The following DIPK2A variants were observed in gnomAD, a reference collection of about 807,000 sequenced individuals.
The protein encoded by DIPK2A is Golgi Protein of 49 kDa.
In DIPK2A, 27 loss-of-function variants were observed where a neutral mutation model predicts 39.0. That is an observed-to-expected ratio of 0.69 (90% CI 0.51 to 0.96). The LOEUF (loss-of-function observed/expected upper bound fraction) is 0.96. Among genes scored for constraint, DIPK2A ranks in the 40% least tolerant of loss-of-function variants. The pLI, the probability that DIPK2A is intolerant of heterozygous loss-of-function variation, is 0.00. For synonymous variants in DIPK2A, 298 were observed against 240.8 expected, an observed-to-expected ratio of 1.24 and a Z score of -2.20; for missense variants, 528 against 571.3, an observed-to-expected ratio of 0.92 and a Z score of 0.77.
chr3:143,984,875 C>G (rs1169216376), intron 1 of DIPK2A, among the ~76,000 whole-genome samples: 1 of 152,068 alleles, frequency 6.6e-6, no homozygotes, highest in Non-Finnish European at 1.5e-5. Flanking sequence ...TCAGTTTGTC[C>G]CTTCCCAACC....
At chr3:143,975,674 A>G (rs1015684686) in intron 1 of DIPK2A, among the ~76,000 whole-genome samples, 5 of 152,068 alleles carry the variant, frequency 3.3e-5, no homozygotes, top group Admixed American at 6.5e-5. Flanking sequence ...TTGGCTGTCT[A>G]TTGCTTCATG....
In DIPK2A at chr3:143,990,757, A is replaced by G. The variant is rs889343403; in HGVS notation, c.*916A>G. The G allele has an allele frequency of 6.6e-6, 1 of 152,624 alleles. No individual in the cohort carries two copies. The highest frequency in any genetic ancestry group is 2.4e-5 in the African/African-American group (1 of 41,458). The allele number at this position is 152,624 out of a possible 1,614,324, so 9.5% of individuals were successfully genotyped here. On this transcript the variant is annotated 3_prime_UTR_variant, in exon 3 of 3. Transcript: ENST00000315691. ...CATATGCCAAAGAAATATTACACCT[A>G]ATCTCATGTTTAGAATTTAAAATAG...
Position 143,972,398 on chromosome 3 carries a change from C to T in DIPK2A, c.66C>T (p.Gly22=), listed in dbSNP as rs756296482. The change falls in exon 1 of 3, where the codon GGC becomes GGT. Residue 22 remains glycine, a synonymous_variant. Transcript: ENST00000315691. ...LSRSLKLAAL[G]SLLVLMVLHS... ...GCTCGCTGAAGCTGGCGGCGCTGGGCAGCCTGTTGGTGCTGATGGTGCTGC... is the reference window on the plus strand; with the variant it reads ...GCTCGCTGAAGCTGGCGGCGCTGGGTAGCCTGTTGGTGCTGATGGTGCTGC... 1.4e-5 allele frequency: 20 copies of T among 1,464,704 alleles called. No homozygotes were observed. Among genetic ancestry groups the T allele is most frequent in the Middle Eastern group, 3.9e-4 (2 of 5,124 alleles). 90.7% of individuals were successfully genotyped at this position (1,464,704 alleles called of 1,614,324 possible). A position where few individuals can be genotyped will look rare whatever the true frequency, so the allele number is the denominator to read the frequency against.
chr3:143,984,018 C>A (rs1425810458), intron 1 of DIPK2A, among the ~76,000 whole-genome samples: 3 of 152,206 alleles, frequency 2.0e-5, no homozygotes, highest in African/African-American at 7.2e-5. Flanking sequence ...GCGCTTTTAT[C>A]TTACGGTGAT....
intron 1 of DIPK2A, chr3:143,973,224 A>C: frequency 9.0e-7 from 1 of 1,112,680 alleles, no homozygotes; most frequent in Non-Finnish European, 1.3e-6. Flanking sequence ...CGCATTTCGG[A>C]TTTGACTGTG....
At chr3:143,978,911 G>GT (rs1200246213) in intron 1 of DIPK2A, among the ~76,000 whole-genome samples, 2 of 151,610 alleles carry the variant, frequency 1.3e-5, no homozygotes, top group Non-Finnish European at 2.9e-5. Flanking sequence ...CCGATTCTAA[G>GT]TTTTTTTAAT....
chr3:143,973,303 C>G, intron 1 of DIPK2A: 1 of 1,524,662 alleles, frequency 6.6e-7, no homozygotes, highest in Non-Finnish European at 8.8e-7. Context: ...GAGTTTCCTT[C>G]CGCTCTCTAC....
chr3:143,972,207 T>TCCGCCCC lies in DIPK2A; in HGVS notation c.-125_-119dup, dbSNP rs1306274226. ...CCTCTCTCACACACCTACTCCGCCC[T>TCCGCCCC]CCGCCCCAGCCCGCGCGCTAGCTCC... On this transcript the variant is annotated 5_prime_UTR_variant, in exon 1 of 3. Transcript: ENST00000315691. The TCCGCCCC allele has an allele frequency of 9.0e-5, 79 of 879,082 alleles. No individual in the cohort carries two copies. In the African/African-American group the frequency reaches 1.3e-3, roughly 14 times the overall value. 54.5% of individuals were successfully genotyped at this position (879,082 alleles called of 1,614,324 possible). A position where few individuals can be genotyped will look rare whatever the true frequency, so the allele number is the denominator to read the frequency against.
In DIPK2A at chr3:143,971,899, C is replaced by T. The variant is rs1049500930; in HGVS notation, c.-434C>T. The T allele has an allele frequency of 7.7e-5, 13 of 169,034 alleles. No individual in the cohort carries two copies. Among genetic ancestry groups the T allele is most frequent in the Non-Finnish European group, 1.6e-4 (13 of 79,688 alleles). 10.5% of individuals were successfully genotyped at this position (169,034 alleles called of 1,614,324 possible). ...GACATCCTAGCTCCTCTTCCCCTTC[C>T]GTGAGTCCCTCCTTTCCTCGCAGAC... On this transcript the variant is annotated 5_prime_UTR_variant, in exon 1 of 3. Coordinates refer to ENST00000315691, the MANE Select transcript of DIPK2A (RefSeq NM_173552.5).
chr3:143,977,668 A>G (rs1030468738), intron 1 of DIPK2A, among the ~76,000 whole-genome samples: 18 of 152,240 alleles, frequency 1.2e-4, no homozygotes, highest in African/African-American at 4.1e-4. Context: ...TTCAGAACAC[A>G]TTAGAGATGG....
intron 1 of DIPK2A, among the ~76,000 whole-genome samples, chr3:143,983,558 GT>G (rs1443605987): frequency 2.0e-5 from 3 of 152,196 alleles, no homozygotes; most frequent in Non-Finnish European, 4.4e-5. Flanking sequence ...AGCTAAAGCT[GT>G]GTTTAGAGGA....
At chr3:143,988,386 C>T (rs964525226) in intron 2 of DIPK2A, among the ~76,000 whole-genome samples, 9 of 152,136 alleles carry the variant, frequency 5.9e-5, no homozygotes, top group African/African-American at 2.2e-4. Flanking sequence ...AGATGTGAGC[C>T]ACCCCGCCCA....
intron 2 of DIPK2A, 58 bp from the exon 3 acceptor site, chr3:143,989,451 GA>G: frequency 1.0e-6 from 1 of 984,972 alleles, no homozygotes; most frequent in South Asian, 1.7e-5. Flanking sequence ...TCTATTTTTG[GA>G]AGCAATGAAA....
At chr3:143,977,662 G>A (rs2087750028) in intron 1 of DIPK2A, among the ~76,000 whole-genome samples, 1 of 152,052 alleles carries the variant, frequency 6.6e-6, no homozygotes, top group Admixed American at 6.6e-5. Flanking sequence ...TTCGGCTTCA[G>A]AACACATTAG....
intron 1 of DIPK2A, chr3:143,973,376 C>T: frequency 6.5e-7 from 1 of 1,548,240 alleles, no homozygotes; most frequent in South Asian, 1.2e-5. Flanking sequence ...TTCACGAGCC[C>T]TTGGACCTTT....
rs1035644514 is a variant in DIPK2A at position 143,990,579 on chromosome 3, A to G, written c.*738A>G. The G allele has an allele frequency of 5.9e-5, 9 of 152,564 alleles. No homozygotes were observed. Among genetic ancestry groups the G allele is most frequent in the African/African-American group, 2.2e-4 (9 of 41,438 alleles). The allele number at this position is 152,564 out of a possible 1,614,324, so 9.5% of individuals were successfully genotyped here. A position where few individuals can be genotyped will look rare whatever the true frequency, so the allele number is the denominator to read the frequency against. ...CAATAATTAGAAGTGTACACTAAAC[A>G]TGAAGTTTGGCATATGTTGCAAAAT... On this transcript the variant is annotated 3_prime_UTR_variant, in exon 3 of 3. Transcript: ENST00000315691.
In DIPK2A at chr3:143,972,720, A is replaced by T. The variant is rs1400980406; in HGVS notation, c.388A>T (p.Thr130Ser). Residue 130 changes from threonine (T) to serine (S), a missense_variant, in exon 1 of 3, where the codon ACC becomes TCC. Around this residue, in one of 2 missense-constraint regions of DIPK2A, gnomAD observed 309 missense variants for 289.8 expected, o/e 1.07. Coordinates refer to ENST00000315691, the MANE Select transcript of DIPK2A (RefSeq NM_173552.5). ...CGACCAGAGCATCTGCAAGCGGGCC[A>T]CCGGCCGGCCCCGCTGCGACCTGCT... ...QLDQSICKRA[T>S]GRPRCDLLQA... 3 of 1,595,344 alleles carry T rather than the reference A, an allele frequency of 1.9e-6. No individual in the cohort carries two copies. The highest frequency in any genetic ancestry group is 3.4e-5 in the Admixed American group (2 of 58,370).
At chr3:143,982,926 G>C (rs1576810720) in intron 1 of DIPK2A, among the ~76,000 whole-genome samples, 2 of 151,774 alleles carry the variant, frequency 1.3e-5, no homozygotes, top group Non-Finnish European at 2.9e-5. Context: ...AAACAAAAGG[G>C]GTTGCAATCC....
Position 143,991,303 on chromosome 3 carries a change from A to G in DIPK2A, c.*1462A>G, listed in dbSNP as rs1044757299. On this transcript the variant is annotated 3_prime_UTR_variant, in exon 3 of 3. Transcript: ENST00000315691. ...GGTTTTTCTTTTTCATTTATTCAGCAACTATTTATTAAGCATCAACTCTGT... is the reference window on the plus strand; with the variant it reads ...GGTTTTTCTTTTTCATTTATTCAGCGACTATTTATTAAGCATCAACTCTGT... The G allele has an allele frequency of 1.3e-5, 2 of 152,512 alleles. No individual in the cohort carries two copies. Among genetic ancestry groups the G allele is most frequent in the African/African-American group, 4.8e-5 (2 of 41,460 alleles). 9.4% of individuals were successfully genotyped at this position (152,512 alleles called of 1,614,324 possible).
Sources: allele counts gnomAD v4.1 joint callset (sites outside exome capture counted in the v4.1 genomes callset), GRCh38; gene constraint gnomAD v4.1.1; regional missense constraint gnomAD v4.1.1; transcripts MANE v1.5; gene names NCBI Gene and HGNC (gene_info 2026-07-23, HGNC 2026-07-21).